Variants in LARP4B observed in about 807,000 individuals in gnomAD.
The protein encoded by LARP4B is La ribonucleoprotein 4B.
A neutral mutation model predicts 89.8 loss-of-function variants in LARP4B; 12 were observed. The observed-to-expected ratio is 0.13, with a 90% CI of 0.09 to 0.22. The LOEUF (loss-of-function observed/expected upper bound fraction) is 0.22, where lower values mean the gene tolerates loss of function less well. Among genes scored for constraint, LARP4B ranks in the 10% least tolerant of loss-of-function variants. The pLI, the probability that LARP4B is intolerant of heterozygous loss-of-function variation, is 1.00. For synonymous variants in LARP4B, 367 were observed against 363.3 expected, an observed-to-expected ratio of 1.01 and a Z score of -0.12; for missense variants, 757 against 947.7, an observed-to-expected ratio of 0.80 and a Z score of 2.64.
At chr10:947,285 G>A in the LARP4B span, among the ~76,000 whole-genome samples, 3 of 152,062 alleles carry the variant, frequency 2.0e-5, no homozygotes, top group Non-Finnish European at 4.4e-5. Flanking sequence ...AACAAACAGA[G>A]TTCTGTTCTG....
At chr10:933,468 C>G (rs565646132), upstream of LARP4B, among the ~76,000 whole-genome samples, 1 of 152,118 alleles carries the variant, frequency 6.6e-6, no homozygotes, top group South Asian at 2.1e-4. Context: ...TGGAAGAAAG[C>G]CTCTCCGGCT....
At chr10:818,030 GT>G (rs917440767) in intron 14 of LARP4B, 141 bp from the exon 15 acceptor site, 1 of 769,058 alleles carries the variant, frequency 1.3e-6, no homozygotes. Context: ...TCAATTGAAG[GT>G]TCTCCCAAGC....
At chr10:972,651 C>A in the LARP4B span, 1 of 457,320 alleles carries the variant, frequency 2.2e-6, no homozygotes, top group Non-Finnish European at 4.4e-6. Flanking sequence ...TCTATGTAAG[C>A]CGTTTGACTG....
At chr10:876,653 C>T (rs1458070024) in intron 3 of LARP4B, among the ~76,000 whole-genome samples, 1 of 152,164 alleles carries the variant, frequency 6.6e-6, no homozygotes, top group African/African-American at 2.4e-5. Flanking sequence ...CTGCCCACAG[C>T]TCTCCCAGGC....
the LARP4B span, among the ~76,000 whole-genome samples, chr10:976,033 C>T: frequency 1.1e-5 from 1 of 91,814 alleles, no homozygotes; most frequent in East Asian, 4.1e-4. Context: ...GCCTGTCGTG[C>T]AACGTGTGGA....
chr10:900,418 G>GTT (rs1265812633), intron 1 of LARP4B, among the ~76,000 whole-genome samples: 1 of 40,450 alleles, frequency 2.5e-5, no homozygotes, highest in African/African-American at 9.7e-5. Context: ...AAAGAAGGAT[G>GTT]TCTTTTTTTT....
intron 5 of LARP4B, among the ~76,000 whole-genome samples, chr10:852,295 T>C (rs1834095328): frequency 6.6e-6 from 1 of 152,242 alleles, no homozygotes; most frequent in African/African-American, 2.4e-5. Flanking sequence ...ATCCAAAGTA[T>C]ACTGTATCAT....
intron 8 of LARP4B, among the ~76,000 whole-genome samples, chr10:832,328 C>A (rs1832952674): frequency 6.6e-6 from 1 of 152,228 alleles, no homozygotes. Flanking sequence ...CAGGCATGAG[C>A]CACTGCGCCC....
Position 811,129 on chromosome 10 carries a change from C to T in LARP4B, c.*1797G>A, listed in dbSNP as rs1222593271. On this transcript the variant is annotated 3_prime_UTR_variant, in exon 18 of 18. Transcript: ENST00000316157. The stretch of plus-strand genomic sequence containing the variant: ...TCTGGAGGCTTTTAATAAGACTTTC[C>T]AATTCCCTTTTGCAGCAAAGAGGCA... 2 of 152,514 alleles carry T rather than the reference C, an allele frequency of 1.3e-5. No homozygotes were observed. The highest frequency in any genetic ancestry group is 2.9e-5 in the Non-Finnish European group (2 of 68,032). 9.4% of individuals were successfully genotyped at this position (152,514 alleles called of 1,614,324 possible). A position where few individuals can be genotyped will look rare whatever the true frequency, so the allele number is the denominator to read the frequency against.
At chr10:829,769 T>C in intron 9 of LARP4B, 35 bp from the exon 10 acceptor site, 1 of 1,504,478 alleles carries the variant, frequency 6.6e-7, no homozygotes, top group Non-Finnish European at 9.2e-7. Flanking sequence ...TTCCATTCGA[T>C]TAACCTTATG....
Position 853,357 on chromosome 10 carries a change from T to TA in LARP4B, c.431-8303dup, listed in dbSNP as rs527908262. Among the ~76,000 whole-genome samples the TA allele has an allele frequency of 3.8e-4, 57 of 148,436 alleles. 1 individual carries two copies. The highest frequency in any genetic ancestry group is 3.5e-3 in the Middle Eastern group (1 of 288). ...TTAATGTGAGATAGCAGTATGTCCTTAAAAAAAAAACTACAATACCTTCAT... is the reference window on the plus strand; with the variant it reads ...TTAATGTGAGATAGCAGTATGTCCTTAAAAAAAAAAACTACAATACCTTCAT... On this transcript the variant is annotated intron_variant, in intron 5 of 17. Transcript: ENST00000316157.
At chr10:942,362 C>T in the LARP4B span, 1 of 152,270 alleles carries the variant, frequency 6.6e-6, no homozygotes, top group Non-Finnish European at 1.5e-5. Context: ...TCACTGGTTC[C>T]AACACCAGAT....
At chr10:964,162 G>A in the LARP4B span, among the ~76,000 whole-genome samples, 1 of 152,168 alleles carries the variant, frequency 6.6e-6, no homozygotes, top group Non-Finnish European at 1.5e-5. Flanking sequence ...TGCCTCCCAG[G>A]TTCAGATGAT....
intron 13 of LARP4B, among the ~76,000 whole-genome samples, chr10:821,733 C>G (rs1186882504): frequency 1.3e-5 from 2 of 152,248 alleles, no homozygotes; most frequent in Non-Finnish European, 2.9e-5. Context: ...GATGGCCTAA[C>G]AGTGGAAAAC....
At chr10:900,936 T>TTTTTTA (rs1836325790) in intron 1 of LARP4B, among the ~76,000 whole-genome samples, 8 of 129,428 alleles carry the variant, frequency 6.2e-5, no homozygotes, top group African/African-American at 9.0e-5. Context: ...TTTTTTTTTT[T>TTTTTTA]GAGACGGAGT....
chr10:885,195 G>A (rs913455339), intron 2 of LARP4B, among the ~76,000 whole-genome samples: 3 of 152,140 alleles, frequency 2.0e-5, no homozygotes, highest in African/African-American at 7.2e-5. Flanking sequence ...TCTGTACCAG[G>A]AGCAGTAACA....
the LARP4B span, among the ~76,000 whole-genome samples, chr10:974,942 T>TG: frequency 6.6e-6 from 1 of 152,130 alleles, no homozygotes; most frequent in Non-Finnish European, 1.5e-5. Context: ...AAAGTAGCGG[T>TG]GGGGGTGGAA....
rs147596935 is a variant in LARP4B at position 902,985 on chromosome 10, G to C, written c.-39-17225C>G. ...AGATGTTAAATTACCTGGTTGAAAA[G>C]CTAGTTGTCTCTTTTGTCTAGTCTG... On this transcript the variant is annotated intron_variant, in intron 1 of 17. Coordinates refer to ENST00000316157, the MANE Select transcript of LARP4B (RefSeq NM_015155.3). Among the ~76,000 whole-genome samples the C allele has an allele frequency of 6.5e-3, 993 of 152,294 alleles. 6 individuals are homozygous for C. The highest frequency in any genetic ancestry group is 0.014 in the Admixed American group (215 of 15,306).
At chr10:900,407 G>A (rs1301286020) in intron 1 of LARP4B, among the ~76,000 whole-genome samples, 2 of 131,644 alleles carry the variant, frequency 1.5e-5, no homozygotes, top group South Asian at 5.3e-4. Context: ...TCTAGGATCG[G>A]AAAGAAGGAT....
Sources: gnomAD v4.1 joint callset for allele counts (sites outside exome capture counted in the v4.1 genomes callset) on GRCh38, gnomAD v4.1.1 for gene constraint, MANE v1.5 for transcripts, NCBI Gene and HGNC (gene_info 2026-07-23, HGNC 2026-07-21) for gene names.